Variants in PACSIN2 observed in about 807,000 individuals in gnomAD.
PACSIN2 encodes the protein protein kinase C and casein kinase substrate in neurons protein 2.
Under a neutral mutation model 63.8 loss-of-function variants are expected in PACSIN2, and 25 were observed. The observed-to-expected ratio is 0.39, with a 90% confidence interval of 0.29 to 0.55. PACSIN2 has a LOEUF of 0.55. PACSIN2 is among the 20% of genes least tolerant of loss of function. The pLI is 0.62. For missense variants in PACSIN2, 518 were observed against 646.9 expected, an observed-to-expected ratio of 0.80 and a Z score of 2.16; for synonymous variants, 255 against 256.2, an observed-to-expected ratio of 1.00 and a Z score of 0.05.
At chr22:42,902,608 CT>C (rs140086907) in intron 2 of PACSIN2, among the ~76,000 whole-genome samples, 8 of 149,830 alleles carry the variant, frequency 5.3e-5, no homozygotes, top group Non-Finnish European at 7.4e-5. Context: ...TCTGTCAGTT[CT>C]TTTTTTTTTG....
chr22:43,012,556 C>T (rs9611984), intron 1 of PACSIN2, among the ~76,000 whole-genome samples: 87,905 of 151,792 alleles, frequency 0.58, 25,878 homozygotes, highest in East Asian at 0.81. Flanking sequence ...TCTCAGTGCA[C>T]TGCAACTTCC....
At chr22:42,968,792 C>CCG (rs1382828218) in intron 1 of PACSIN2, among the ~76,000 whole-genome samples, 2 of 152,222 alleles carry the variant, frequency 1.3e-5, no homozygotes, top group Non-Finnish European at 2.9e-5. Context: ...CTGCCTTGGG[C>CCG]CACGGAACCC....
Position 42,890,974 on chromosome 22 carries a change from C to T in PACSIN2, c.426G>A (p.Gln142=). Residue 142 remains glutamine (Q), a synonymous_variant, in exon 4 of 11, where the codon CAG becomes CAA. Coordinates refer to ENST00000263246, the MANE Select transcript of PACSIN2 (RefSeq NM_001184970.3). The stretch of plus-strand genomic sequence containing the variant: ...CTTTCAGCTTCTTGGCCCAGGGCTT[C>T]TGTGCCTTCCGAAAGCCGTCCTCAG... ...KEAEDGFRKA[Q]KPWAKKLKEV... The T allele has an allele frequency of 6.2e-7, 1 of 1,614,158 alleles. No individual in the cohort carries two copies. Among genetic ancestry groups the T allele is most frequent in the Non-Finnish European group, 8.5e-7 (1 of 1,180,030 alleles).
intron 2 of PACSIN2, among the ~76,000 whole-genome samples, chr22:42,907,748 AGG>A (rs1227270007): frequency 6.6e-6 from 1 of 152,262 alleles, no homozygotes; most frequent in Non-Finnish European, 1.5e-5. Context: ...CGCTGGCTCT[AGG>A]AGGCCCGAGG....
chr22:42,890,894 T>C, intron 4 of PACSIN2, 53 bp downstream of exon 4: 2 of 1,448,292 alleles, frequency 1.4e-6, no homozygotes, highest in Non-Finnish European at 1.9e-6. Flanking sequence ...GTGCTGCTAG[T>C]GGGGTGCCAG....
rs186985048 is a variant in PACSIN2, at chr22:42,991,288, A to G, written c.-78+23733T>C. 1.6e-4 allele frequency among the ~76,000 whole-genome samples: 24 copies of G among 152,338 alleles called. No homozygotes were observed. In the East Asian group the frequency reaches 4.6e-3, roughly 29 times the overall value. ...CCAGTCATAAAGCTGGTCAAGGACA[A>G]GCAGTGGCTCAGAGCAGAGCCCAGT... On this transcript the variant is annotated intron_variant, in intron 1 of 10. Coordinates refer to ENST00000263246, the MANE Select transcript of PACSIN2 (RefSeq NM_001184970.3).
chr22:42,932,736 T>C (rs1932807225), intron 1 of PACSIN2, among the ~76,000 whole-genome samples: 3 of 151,460 alleles, frequency 2.0e-5, no homozygotes, highest in African/African-American at 7.3e-5. Context: ...TTGATGATTC[T>C]TACAAAGTCA....
chr22:42,990,603 G>A (rs1292437704), intron 1 of PACSIN2, among the ~76,000 whole-genome samples: 1 of 152,172 alleles, frequency 6.6e-6, no homozygotes, highest in Non-Finnish European at 1.5e-5. Flanking sequence ...GGCAAAGACG[G>A]GAAGAATGGC....
chr22:42,875,650 C>T (rs552629147), intron 10 of PACSIN2, among the ~76,000 whole-genome samples: 3 of 152,216 alleles, frequency 2.0e-5, no homozygotes, highest in East Asian at 1.9e-4. Context: ...ATTCTCCTGC[C>T]GCAGCCTCCT....
intron 1 of PACSIN2, among the ~76,000 whole-genome samples, chr22:42,964,032 T>C (rs960204613): frequency 6.6e-6 from 1 of 152,192 alleles, no homozygotes; most frequent in African/African-American, 2.4e-5. Flanking sequence ...GTAGGACATT[T>C]TCATTACCTC....
chr22:42,947,605 T>C (rs1933482423), intron 1 of PACSIN2, among the ~76,000 whole-genome samples: 1 of 146,500 alleles, frequency 6.8e-6, no homozygotes. Flanking sequence ...AAGAACACGC[T>C]AGCCTGGATG....
chr22:42,933,653 C>T (rs1358464109), intron 1 of PACSIN2, among the ~76,000 whole-genome samples: 1 of 152,322 alleles, frequency 6.6e-6, no homozygotes, highest in East Asian at 1.9e-4. Context: ...GACATAGGTC[C>T]ACCCACTCAA....
At chr22:42,983,084 A>G (rs1292176390) in intron 1 of PACSIN2, among the ~76,000 whole-genome samples, 1 of 151,732 alleles carries the variant, frequency 6.6e-6, no homozygotes, top group East Asian at 1.9e-4. Flanking sequence ...TGGGAAGCTG[A>G]GGCGGGTGGA....
rs963185999 is a variant in PACSIN2, at chr22:42,870,552, C to T, written c.*805G>A. 6.6e-6 allele frequency: 1 copy of T among 152,200 alleles called. No homozygotes were observed. Among genetic ancestry groups the T allele is most frequent in the Non-Finnish European group, 1.5e-5 (1 of 68,034 alleles). The allele number at this position is 152,200 out of a possible 1,614,324, so 9.4% of individuals were successfully genotyped here. ...TGCATTTGCTTGAAAAGTTAGTCTT[C>T]TTTTTAACTCTGAATCAGTGATAAA... On this transcript the variant is annotated 3_prime_UTR_variant, in exon 11 of 11. Coordinates refer to ENST00000263246, the MANE Select transcript of PACSIN2 (RefSeq NM_001184970.3).
At chr22:42,985,366 C>G (rs1334968175) in intron 1 of PACSIN2, among the ~76,000 whole-genome samples, 1 of 152,188 alleles carries the variant, frequency 6.6e-6, no homozygotes, top group Non-Finnish European at 1.5e-5. Flanking sequence ...GTGCTCACCC[C>G]AGAGACTGGC....
chr22:42,951,918 G>T (rs900559598), intron 1 of PACSIN2, among the ~76,000 whole-genome samples: 1 of 152,106 alleles, frequency 6.6e-6, no homozygotes, highest in Admixed American at 6.5e-5. Flanking sequence ...CACCAGACTC[G>T]GCTTACCTTT....
At chr22:42,985,496 C>G (rs1046297145) in intron 1 of PACSIN2, among the ~76,000 whole-genome samples, 1 of 152,226 alleles carries the variant, frequency 6.6e-6, no homozygotes, top group East Asian at 1.9e-4. Context: ...CATGCAGGCC[C>G]AGGTCTAGGT....
At chr22:42,972,763 T>G (rs1028338734) in intron 1 of PACSIN2, among the ~76,000 whole-genome samples, 21 of 152,138 alleles carry the variant, frequency 1.4e-4, no homozygotes, top group Admixed American at 1.1e-3. Flanking sequence ...TTTTTTCTTA[T>G]GTTGCCCAGG....
chr22:42,979,091 C>T (rs1471844787), intron 1 of PACSIN2, among the ~76,000 whole-genome samples: 1 of 152,172 alleles, frequency 6.6e-6, no homozygotes, highest in Non-Finnish European at 1.5e-5. Context: ...CTACAAAGCT[C>T]CATTGCCTAG....
Sources: gnomAD v4.1 joint callset for allele counts (sites outside exome capture counted in the v4.1 genomes callset) on GRCh38, gnomAD v4.1.1 for gene constraint, MANE v1.5 for transcripts, NCBI Gene and HGNC (gene_info 2026-07-23, HGNC 2026-07-21) for gene names.